Variants in GRID2 observed in about 807,000 individuals in gnomAD.
GRID2 encodes glutamate receptor ionotropic, delta-2.
A neutral mutation model predicts 114.8 loss-of-function variants in GRID2; 33 were observed. The ratio of observed to expected loss-of-function variants is 0.29; its 90% CI spans 0.22 to 0.38. GRID2 has a LOEUF of 0.38. Ranked by LOEUF, GRID2 falls within the 10% of genes least tolerant of loss-of-function variation. The pLI is 1.00. For missense variants in GRID2, 1,184 were observed against 1,257.7 expected (o/e 0.94, Z 0.89); for synonymous variants, 505 against 449.9 (o/e 1.12, Z -1.55).
intron 2 of GRID2, among the ~76,000 whole-genome samples, chr4:92,634,865 GAGAGAGAGAGAGAA>G (rs1220860794): frequency 7.3e-6 from 1 of 136,168 alleles, no homozygotes; most frequent in Non-Finnish European, 1.6e-5. Context: ...GAGACAGAGA[GAGAGAGAGAGAGAA>G]AGAGAGAGAG....
chr4:92,387,693 A>G (rs576985893), intron 1 of GRID2, among the ~76,000 whole-genome samples: 1 of 152,098 alleles, frequency 6.6e-6, no homozygotes, highest in South Asian at 2.1e-4. Context: ...TCTTAATAAT[A>G]ATTCAGAAGC....
At chr4:93,164,791 G>A (rs778748686) in intron 4 of GRID2, 5 of 412,480 alleles carry the variant, frequency 1.2e-5, no homozygotes, top group South Asian at 8.5e-5. Context: ...TTGTTTTCAT[G>A]CCAGAGCACA....
At chr4:93,399,004 G>A (rs990465838) in intron 9 of GRID2, among the ~76,000 whole-genome samples, 1 of 151,644 alleles carries the variant, frequency 6.6e-6, no homozygotes, top group African/African-American at 2.4e-5. Context: ...ACTCAACACT[G>A]AGAACCACTC....
chr4:93,491,836 A>G (rs189204488), intron 12 of GRID2, among the ~76,000 whole-genome samples: 3 of 152,056 alleles, frequency 2.0e-5, no homozygotes, highest in Admixed American at 6.6e-5. Context: ...TTATCTATAA[A>G]TAAATAGGGT....
chr4:92,616,451 G>GGAAT (rs1730008443), intron 2 of GRID2, among the ~76,000 whole-genome samples: 1 of 151,224 alleles, frequency 6.6e-6, no homozygotes, highest in African/African-American at 2.4e-5. Flanking sequence ...GATCTGTCTA[G>GGAAT]GAATGGATGC....
chr4:92,341,078 T>C (rs374118620), intron 1 of GRID2, among the ~76,000 whole-genome samples: 27 of 152,158 alleles, frequency 1.8e-4, no homozygotes, highest in Admixed American at 1.3e-3. Flanking sequence ...GTATATAAAA[T>C]ATAAAATGTG....
chr4:93,225,068 G>A (rs1328293114), intron 7 of GRID2, among the ~76,000 whole-genome samples: 1 of 151,852 alleles, frequency 6.6e-6, no homozygotes, highest in South Asian at 2.1e-4. Context: ...GGTGCCTGTC[G>A]CAAAATACAA....
intron 1 of GRID2, among the ~76,000 whole-genome samples, chr4:92,476,266 C>T (rs934350147): frequency 6.6e-6 from 1 of 152,038 alleles, no homozygotes; most frequent in Non-Finnish European, 1.5e-5. Context: ...ACCTTGTGAT[C>T]CGCCCGCCTT....
chr4:92,978,584 T>A (rs2149183576), intron 2 of GRID2, among the ~76,000 whole-genome samples: 1 of 152,298 alleles, frequency 6.6e-6, no homozygotes, highest in African/African-American at 2.4e-5. Flanking sequence ...CCCTCTGGCT[T>A]GTTTTCTTTC....
intron 8 of GRID2, among the ~76,000 whole-genome samples, chr4:93,334,247 G>C (rs1440312558): frequency 6.6e-6 from 1 of 152,124 alleles, no homozygotes; most frequent in African/African-American, 2.4e-5. Flanking sequence ...CTGTAGACAA[G>C]TTCCCACAGC....
chr4:92,848,050 A>T (rs1743471128), intron 2 of GRID2, among the ~76,000 whole-genome samples: 1 of 152,132 alleles, frequency 6.6e-6, no homozygotes, highest in African/African-American at 2.4e-5. Flanking sequence ...AGATTTTGCT[A>T]TTGAAGTAAT....
chr4:93,786,956 T>G (rs1481812369), intron 1 of GRID2, among the ~76,000 whole-genome samples: 1 of 152,064 alleles, frequency 6.6e-6, no homozygotes, highest in Non-Finnish European at 1.5e-5. Context: ...CAATGGTGTA[T>G]GAAGTATAGT....
At chr4:93,417,051 A>G (rs779744376) in intron 9 of GRID2, among the ~76,000 whole-genome samples, 4 of 152,084 alleles carry the variant, frequency 2.6e-5, no homozygotes, top group African/African-American at 4.8e-5. Context: ...ATTTAGACTC[A>G]AGTCCTATTA....
chr4:92,707,098 A>G (rs1418103054), intron 2 of GRID2, among the ~76,000 whole-genome samples: 1 of 152,190 alleles, frequency 6.6e-6, no homozygotes, highest in Non-Finnish European at 1.5e-5. Flanking sequence ...AGGGAGTTAT[A>G]TTGATTTTTT....
chr4:92,897,407 C>A (rs1193630488), intron 2 of GRID2, among the ~76,000 whole-genome samples: 1 of 152,046 alleles, frequency 6.6e-6, no homozygotes, highest in African/African-American at 2.4e-5. Flanking sequence ...AGAGAAAGGG[C>A]AAAGTTCCTA....
intron 1 of GRID2, among the ~76,000 whole-genome samples, chr4:92,495,491 C>T (rs1314625366): frequency 1.3e-5 from 2 of 151,752 alleles, no homozygotes; most frequent in Non-Finnish European, 2.9e-5. Flanking sequence ...GCCATAGAGA[C>T]AATTAGCAGG....
At chr4:93,728,808 C>T (rs1444571635) in intron 14 of GRID2, among the ~76,000 whole-genome samples, 1 of 151,926 alleles carries the variant, frequency 6.6e-6, no homozygotes, top group Admixed American at 6.6e-5. Context: ...AGGATTGCAA[C>T]CCCTGCCTTT....
At chr4:93,181,450 T>C (rs1739888435) in intron 4 of GRID2, among the ~76,000 whole-genome samples, 1 of 152,106 alleles carries the variant, frequency 6.6e-6, no homozygotes, top group African/African-American at 2.4e-5. Flanking sequence ...CAACTTAAAG[T>C]CATCAGCTAT....
At chr4:93,723,637 C>A (rs1185556108) in intron 14 of GRID2, among the ~76,000 whole-genome samples, 2 of 152,156 alleles carry the variant, frequency 1.3e-5, no homozygotes, top group Non-Finnish European at 2.9e-5. Context: ...TATGAACTTA[C>A]TATTTCCCCC....
Sources: gnomAD v4.1 joint callset for allele counts (sites outside exome capture counted in the v4.1 genomes callset) on GRCh38, gnomAD v4.1.1 for gene constraint, MANE v1.5 for transcripts, NCBI Gene and HGNC (gene_info 2026-07-23, HGNC 2026-07-21) for gene names.